Variants in STAC observed in about 807,000 individuals in gnomAD.
STAC encodes SH3 and cysteine-rich domain-containing protein.
STAC carries 43 observed loss-of-function variants against 48.8 expected under a neutral mutation model. The observed-to-expected ratio is 0.88, with a 90% CI of 0.69 to 1.14. The LOEUF (loss-of-function observed/expected upper bound fraction) is 1.14. Ranked by LOEUF, STAC falls within the 50% of genes most tolerant of loss-of-function variation. The pLI is 0.00. For missense variants in STAC, 497 were observed against 504.0 expected (o/e 0.99, Z 0.13); for synonymous variants, 193 against 179.5 (o/e 1.07, Z -0.60).
intron 6 of STAC, among the ~76,000 whole-genome samples, chr3:36,499,979 T>C (rs1335093301): frequency 1.3e-5 from 2 of 152,180 alleles, no homozygotes; most frequent in Non-Finnish European, 2.9e-5. Context: ...TCTGAAGATA[T>C]AAATTCTAAA....
intron 2 of STAC, among the ~76,000 whole-genome samples, chr3:36,466,883 G>A (rs189873915): frequency 1.4e-3 from 206 of 151,292 alleles, no homozygotes; most frequent in Non-Finnish European, 1.7e-3. Context: ...CCACTACTAT[G>A]TTGAATAGAA....
At chr3:36,427,340 C>T (rs73061996) in intron 1 of STAC, among the ~76,000 whole-genome samples, 3,540 of 152,284 alleles carry the variant, frequency 0.023, 61 homozygotes, top group East Asian at 0.026. Context: ...GCAAGTTCTC[C>T]TCCAACCAGG....
chr3:36,519,919 A>C (rs1316820677), intron 8 of STAC, among the ~76,000 whole-genome samples: 1 of 152,242 alleles, frequency 6.6e-6, no homozygotes, highest in Admixed American at 6.5e-5. Context: ...AACTGACTAT[A>C]TTCCACCAGG....
In STAC at chr3:36,493,180, A is replaced by G. The variant is rs113491862; in HGVS notation, c.717A>G (p.Glu239=). ...CAGATCTTGTGGAGGTTCCTGAGGA[A>G]GCCAATGGGCCAGGAGGCGGGTATG... ...STSDLVEVPE[E]ANGPGGGYDL... is the part of the protein sequence containing the mutation. Residue 239 remains glutamate (E), a synonymous_variant, in exon 6 of 11, where the codon GAA becomes GAG. Coordinates refer to ENST00000273183, the MANE Select transcript of STAC (RefSeq NM_003149.3). 5.6e-5 allele frequency: 90 copies of G among 1,613,548 alleles called. No individual in the cohort carries two copies. In the African/African-American group the frequency reaches 5.6e-4, roughly 10 times the overall value.
intron 2 of STAC, among the ~76,000 whole-genome samples, chr3:36,479,147 G>T (rs1697574535): frequency 6.6e-6 from 1 of 152,134 alleles, no homozygotes; most frequent in South Asian, 2.1e-4. Context: ...AATTTCCTAA[G>T]AAAACGTATG....
chr3:36,411,928 G>A (rs1700203833), intron 1 of STAC, among the ~76,000 whole-genome samples: 1 of 151,990 alleles, frequency 6.6e-6, no homozygotes, highest in African/African-American at 2.4e-5. Context: ...ATAATATTTT[G>A]GATTTATCAA....
chr3:36,419,116 A>C (rs976663639), intron 1 of STAC, among the ~76,000 whole-genome samples: 1 of 152,108 alleles, frequency 6.6e-6, no homozygotes, highest in African/African-American at 2.4e-5. Flanking sequence ...CAATAACATA[A>C]TTGTTTAAAC....
chr3:36,542,565 A>T (rs1211186535), intron 10 of STAC, among the ~76,000 whole-genome samples: 2 of 152,062 alleles, frequency 1.3e-5, no homozygotes, highest in East Asian at 3.9e-4. Context: ...CCTCCTTCCT[A>T]CACCTTTTTC....
At chr3:36,446,504 C>T (rs1323294691) in intron 2 of STAC, among the ~76,000 whole-genome samples, 2 of 152,228 alleles carry the variant, frequency 1.3e-5, no homozygotes, top group African/African-American at 4.8e-5. Context: ...AACTCAGCTT[C>T]ACTGTGTATC....
At chr3:36,505,665 C>A in intron 7 of STAC, 81 bp from the exon 8 acceptor site, 1 of 910,762 alleles carries the variant, frequency 1.1e-6, no homozygotes, top group Non-Finnish European at 1.7e-6. Context: ...GCAATGACTT[C>A]TCCATTTCCT....
intron 10 of STAC, among the ~76,000 whole-genome samples, chr3:36,533,895 G>A (rs1030274743): frequency 2.0e-5 from 3 of 151,798 alleles, no homozygotes; most frequent in Non-Finnish European, 4.4e-5. Context: ...ACATGTGCAG[G>A]TTTCTTATAT....
chr3:36,483,818 G>T (rs952178020), intron 3 of STAC, among the ~76,000 whole-genome samples: 8 of 152,206 alleles, frequency 5.3e-5, no homozygotes, highest in African/African-American at 1.9e-4. Flanking sequence ...GAGTGTGGTG[G>T]TGTGTGCCTG....
chr3:36,414,167 C>T (rs1307515613), intron 1 of STAC, among the ~76,000 whole-genome samples: 1 of 152,158 alleles, frequency 6.6e-6, no homozygotes, highest in Non-Finnish European at 1.5e-5. Context: ...AGTTTCTCTT[C>T]TCAAGGAGTA....
chr3:36,545,262 G>C (rs1699418710), intron 10 of STAC, among the ~76,000 whole-genome samples: 1 of 152,202 alleles, frequency 6.6e-6, no homozygotes, highest in African/African-American at 2.4e-5. Flanking sequence ...TAGCTTCAAA[G>C]TGAGACAATT....
intron 8 of STAC, among the ~76,000 whole-genome samples, chr3:36,511,615 G>C (rs1159567495): frequency 1.3e-5 from 2 of 152,200 alleles, no homozygotes; most frequent in Admixed American, 1.3e-4. Flanking sequence ...TGGGAAAATA[G>C]ACCACATTTG....
At chr3:36,502,751 A>T (rs1698309724) in intron 6 of STAC, among the ~76,000 whole-genome samples, 1 of 152,132 alleles carries the variant, frequency 6.6e-6, no homozygotes, top group Non-Finnish European at 1.5e-5. Context: ...TACCAGAAAA[A>T]GGTTTTGCTA....
chr3:36,398,321 A>G (rs1393718617), intron 1 of STAC, among the ~76,000 whole-genome samples: 5 of 33,890 alleles, frequency 1.5e-4, no homozygotes, highest in African/African-American at 7.7e-4. Context: ...GAAAGAAAGC[A>G]AGAAAGAAAG....
intron 2 of STAC, among the ~76,000 whole-genome samples, chr3:36,461,115 TTGAATGAGAGTTTTCTAAA>T (rs1343794860): frequency 6.6e-6 from 1 of 152,202 alleles, no homozygotes; most frequent in Non-Finnish European, 1.5e-5. Context: ...TATGCATATT[TTGAATGAGAGTTTTCTAAA>T]TATTTTGCAT....
At chr3:36,381,882 T>C (rs1699516856) in intron 1 of STAC, among the ~76,000 whole-genome samples, 1 of 152,192 alleles carries the variant, frequency 6.6e-6, no homozygotes, top group Non-Finnish European at 1.5e-5. Flanking sequence ...ATTTTTATTT[T>C]TTTCCTGTTA....
Sources: gnomAD v4.1 joint callset for allele counts (sites outside exome capture counted in the v4.1 genomes callset) on GRCh38, gnomAD v4.1.1 for gene constraint, MANE v1.5 for transcripts, NCBI Gene and HGNC (gene_info 2026-07-23, HGNC 2026-07-21) for gene names.